Variants in IL17RA observed in about 807,000 individuals in gnomAD.
IL17RA encodes the protein interleukin 17 receptor A.
In IL17RA, 34 loss-of-function variants were observed where a neutral mutation model predicts 50.4. That is an observed-to-expected ratio of 0.67 (90% confidence interval 0.51 to 0.90). IL17RA has a LOEUF of 0.90. Among genes scored for constraint, IL17RA ranks in the 40% least tolerant of loss-of-function variants. IL17RA has a pLI of 0.00. For missense variants in IL17RA, 1,276 were observed against 1,169.8 expected (o/e 1.09, Z -1.32); for synonymous variants, 585 against 510.4 (o/e 1.15, Z -1.97).
chr22:17,101,911 AT>A, intron 5 of IL17RA, 84 bp from the exon 6 acceptor site: 1 of 1,553,976 alleles, frequency 6.4e-7, no homozygotes, highest in Non-Finnish European at 8.9e-7. Context: ...TGGGGAAAAG[AT>A]TGTTGTTCTT....
At chr22:17,103,874 TGTGGCTGGG>T in intron 8 of IL17RA, among the ~76,000 whole-genome samples, 1 of 123,810 alleles carries the variant, frequency 8.1e-6, no homozygotes, top group African/African-American at 3.2e-5. Context: ...GAGAGAGTGG[TGTGGCTGGG>T]AGTGGGGAGC....
In IL17RA at chr22:17,115,555, G is replaced by C. The variant is rs1196820192; in HGVS notation, c.*5735G>C. 6.6e-6 allele frequency: 1 copy of C among 151,730 alleles called. No individual in the cohort carries two copies. Among genetic ancestry groups the C allele is most frequent in the Non-Finnish European group, 1.5e-5 (1 of 68,004 alleles). The allele number at this position is 151,730 out of a possible 1,614,324, so 9.4% of individuals were successfully genotyped here. ...CAAGCTAGGGTCACAACACAGAGAG[G>C]GGCTGTGTAATACTGGCTGCCTCTG... On this transcript the variant is annotated 3_prime_UTR_variant, in exon 13 of 13. Coordinates refer to ENST00000319363, the MANE Select transcript of IL17RA (RefSeq NM_014339.7).
At position 17,109,904 on chromosome 22, in the gene IL17RA, A is replaced by C. The variant is rs927658042; in HGVS notation, c.*84A>C. On this transcript the variant is annotated 3_prime_UTR_variant, in exon 13 of 13. Transcript: ENST00000319363. ...TATTCATCTGTGTGTACATGTCTGC[A>C]TGTGTATATGTTCGTGTGTGAAATG... 5 of 1,230,384 alleles carry C rather than the reference A, an allele frequency of 4.1e-6. No individual in the cohort carries two copies. The African/African-American group carries it at 7.6e-5, about 19-fold the overall frequency. The allele number at this position is 1,230,384 out of a possible 1,614,324, so 76.2% of individuals were successfully genotyped here.
At chr22:17,088,254 C>G (rs1445136656) in intron 1 of IL17RA, among the ~76,000 whole-genome samples, 3 of 152,210 alleles carry the variant, frequency 2.0e-5, no homozygotes, top group Non-Finnish European at 2.9e-5. Context: ...TCTTCCATTT[C>G]TTCCTCTTAA....
At position 17,113,497 on chromosome 22, in the gene IL17RA, CTTTCCTGT is replaced by C. The variant is rs1402023017; in HGVS notation, c.*3680_*3687del. 1 of 152,278 alleles carries C rather than the reference CTTTCCTGT, an allele frequency of 6.6e-6. No individual in the cohort carries two copies. Among genetic ancestry groups the C allele is most frequent in the East Asian group, 1.9e-4 (1 of 5,204 alleles). The allele number at this position is 152,278 out of a possible 1,614,324, so 9.4% of individuals were successfully genotyped here. A position where few individuals can be genotyped will look rare whatever the true frequency, so the allele number is the denominator to read the frequency against. On this transcript the variant is annotated 3_prime_UTR_variant, in exon 13 of 13. Coordinates refer to ENST00000319363, the MANE Select transcript of IL17RA (RefSeq NM_014339.7). The stretch of plus-strand genomic sequence containing the variant: ...TAGGCCTGAGCCCACCGTGCCTGGC[CTTTCCTGT>C]TTATCTTTGAAAATTAAATAGGGCA...
In IL17RA at chr22:17,108,905, G is replaced by A. The variant is rs550116308; in HGVS notation, c.1686G>A (p.Pro562=). The A allele has an allele frequency of 6.2e-6, 10 of 1,611,378 alleles. No individual in the cohort carries two copies. The highest frequency in any genetic ancestry group is 1.1e-5 in the South Asian group (1 of 90,856). The change falls in exon 13 of 13, where the codon CCG becomes CCA. Residue 562 remains proline, a synonymous_variant. Coordinates refer to ENST00000319363, the MANE Select transcript of IL17RA (RefSeq NM_014339.7). ...ELSGDNYLRS[P]GGRQLRAALD... ...CGGGGGACAACTACCTGCGGAGCCC[G>A]GGCGGCAGGCAGCTCCGCGCCGCCC... is the stretch of plus-strand genomic sequence containing the variant.
rs1442229474 is a variant in IL17RA, at chr22:17,111,226, A to G, written c.*1406A>G. ...AGCTGGATGTCACCTGAGTTCATTT[A>G]TAGGAAGAGAGAAATGTCGAGGTGA... On this transcript the variant is annotated 3_prime_UTR_variant, in exon 13 of 13. Transcript: ENST00000319363. 1 of 152,210 alleles carries G rather than the reference A, an allele frequency of 6.6e-6. No homozygotes were observed. The highest frequency in any genetic ancestry group is 2.4e-5 in the African/African-American group (1 of 41,428). 9.4% of individuals were successfully genotyped at this position (152,210 alleles called of 1,614,324 possible). A position where few individuals can be genotyped will look rare whatever the true frequency, so the allele number is the denominator to read the frequency against.
In IL17RA at chr22:17,109,149, G is replaced by A. The variant is rs1250611615; in HGVS notation, c.1930G>A (p.Gly644Arg). 2.6e-6 allele frequency: 4 copies of A among 1,535,238 alleles called. No homozygotes were observed. Among genetic ancestry groups the A allele is most frequent in the Non-Finnish European group, 3.5e-6 (4 of 1,147,240 alleles). ...AIDPLVGEEG[G>R]AAVAKLEPHL... Reference sequence around the variant, plus strand: ...AGACCCGCTGGTCGGGGAGGAAGGAGGAGCAGCAGTGGCAAAGCTGGAACC... The same window carrying A: ...AGACCCGCTGGTCGGGGAGGAAGGAAGAGCAGCAGTGGCAAAGCTGGAACC... Residue 644 changes from glycine (G) to arginine (R), a missense_variant, in exon 13 of 13, where the codon GGA becomes AGA. Coordinates refer to ENST00000319363, the MANE Select transcript of IL17RA (RefSeq NM_014339.7).
Position 17,108,312 on chromosome 22 carries a change from C to T in IL17RA, c.1093C>T (p.Leu365=), listed in dbSNP as rs1340192314. The T allele has an allele frequency of 1.2e-6, 2 of 1,614,000 alleles. 1 individual carries two copies. Among genetic ancestry groups the T allele is most frequent in the African/African-American group, 2.7e-5 (2 of 74,930 alleles). ...YSDDTKYTDG[L]PAADLIPPPL... is the part of the protein sequence containing the mutation. Reference sequence around the variant, plus strand: ...GTGTGGTCTTGTTTCCTTAGATGGCCTGCCTGCGGCTGACCTGATCCCCCC... The same window carrying T: ...GTGTGGTCTTGTTTCCTTAGATGGCTTGCCTGCGGCTGACCTGATCCCCCC... The change falls in exon 13 of 13, where the codon CTG becomes TTG. Residue 365 remains leucine, a synonymous_variant. Coordinates refer to ENST00000319363, the MANE Select transcript of IL17RA (RefSeq NM_014339.7).
Position 17,109,032 on chromosome 22 carries a change from G to A in IL17RA, c.1813G>A (p.Val605Met), listed in dbSNP as rs766645390. The A allele has an allele frequency of 6.9e-6, 11 of 1,594,874 alleles. No homozygotes were observed. The South Asian group carries it at 1.2e-4, about 18-fold the overall frequency. The change falls in exon 13 of 13, where the codon GTG (valine) becomes ATG (methionine). Residue 605 changes from valine (V) to methionine (M), a missense_variant. By Grantham distance (21) the Val-to-Met change is conservative. Coordinates refer to ENST00000319363, the MANE Select transcript of IL17RA (RefSeq NM_014339.7). ...GGATGCCCCGTCCCTGGACGAAGAG[G>A]TGTTTGAGGAGCCACTGCTGCCTCC... ...DQDAPSLDEE[V>M]FEEPLLPPGT...
At chr22:17,085,332 C>A in intron 1 of IL17RA, 103 bp downstream of exon 1, 1 of 1,502,712 alleles carries the variant, frequency 6.7e-7, no homozygotes, top group South Asian at 1.3e-5. Context: ...GCTGGGGAGG[C>A]AGGAAGTCCG....
rs747288848 is a variant in IL17RA at position 17,110,354 on chromosome 22, C to T, written c.*534C>T. 2.8e-5 allele frequency: 5 copies of T among 178,758 alleles called. No individual in the cohort carries two copies. Among genetic ancestry groups the T allele is most frequent in the South Asian group, 1.0e-4 (1 of 9,668 alleles). The allele number at this position is 178,758 out of a possible 1,614,324, so 11.1% of individuals were successfully genotyped here. ...CTCCACTAAAAATAGAAAAATTAGC[C>T]GGGCATGGTGACACATGCCTGTAGT... On this transcript the variant is annotated 3_prime_UTR_variant, in exon 13 of 13. Transcript: ENST00000319363.
rs41440950 is a variant in IL17RA, at chr22:17,097,118, T to C, written c.163+32T>C. 8.4e-4 allele frequency: 1,341 copies of C among 1,605,060 alleles called. 10 individuals carry two copies. The African/African-American group carries it at 0.015, about 18-fold the overall frequency. ...CATCTTTTTCTGTTCTTCTTCTTGTTGCCTTCTTAATCAAGTGAGAGCCTG... is the reference window on the plus strand; with the variant it reads ...CATCTTTTTCTGTTCTTCTTCTTGTCGCCTTCTTAATCAAGTGAGAGCCTG... On this transcript the variant is annotated intron_variant, in intron 2 of 12. Coordinates refer to ENST00000319363, the MANE Select transcript of IL17RA (RefSeq NM_014339.7).
chr22:17,108,712 C>A lies in IL17RA; in HGVS notation c.1493C>A (p.Thr498Asn). 6.2e-7 allele frequency: 1 copy of A among 1,610,746 alleles called. No homozygotes were observed. The highest frequency in any genetic ancestry group is 1.1e-5 in the South Asian group (1 of 91,068). Reference protein sequence around the residue: ...PDFKRPACFGTYVVCYFSEVS... With the variant: ...PDFKRPACFGNYVVCYFSEVS... The stretch of plus-strand genomic sequence containing the variant: ...TTCAAGAGGCCAGCCTGCTTCGGCA[C>A]CTACGTAGTCTGCTACTTCAGCGAG... The change falls in exon 13 of 13, where the codon ACC becomes AAC. Residue 498 changes from threonine (T) to asparagine (N), a missense_variant. Thr to Asn is a moderately conservative substitution (Grantham distance 65). Coordinates refer to ENST00000319363, the MANE Select transcript of IL17RA (RefSeq NM_014339.7).
intron 1 of IL17RA, among the ~76,000 whole-genome samples, chr22:17,085,512 C>T (rs140482111): frequency 6.6e-6 from 1 of 152,150 alleles, no homozygotes; most frequent in Non-Finnish European, 1.5e-5. Flanking sequence ...GCGGGAGTGA[C>T]ACCTCCGCCC....
At chr22:17,104,464 G>C (rs2061405546) in intron 8 of IL17RA, among the ~76,000 whole-genome samples, 1 of 152,006 alleles carries the variant, frequency 6.6e-6, no homozygotes, top group South Asian at 2.1e-4. Context: ...GGGAAAGCTT[G>C]TCCTCTCTGT....
intron 10 of IL17RA, 90 bp downstream of exon 10, chr22:17,105,692 A>G: frequency 6.8e-7 from 1 of 1,476,280 alleles, no homozygotes; most frequent in African/African-American, 1.4e-5. Flanking sequence ...AGCCAGGCAG[A>G]CAAGGCTGAA....
At chr22:17,094,668 T>TCTCTCTCTCC (rs2061360110) in intron 1 of IL17RA, among the ~76,000 whole-genome samples, 1 of 34,414 alleles carries the variant, frequency 2.9e-5, no homozygotes, top group Admixed American at 1.8e-4. Flanking sequence ...TCTCTCTCTC[T>TCTCTCTCTCC]CTCTCTCTCT....
intron 4 of IL17RA, among the ~76,000 whole-genome samples, chr22:17,099,963 A>G (rs897989106): frequency 4.6e-5 from 7 of 152,122 alleles, no homozygotes; most frequent in Admixed American, 2.0e-4. Context: ...CATTTGACAA[A>G]TAGTTTTTAC....
Sources: allele counts gnomAD v4.1 joint callset (sites outside exome capture counted in the v4.1 genomes callset), GRCh38; gene constraint gnomAD v4.1.1; transcripts MANE v1.5; gene names NCBI Gene and HGNC (gene_info 2026-07-23, HGNC 2026-07-21).